Variants in C1QTNF3 observed in about 807,000 individuals in gnomAD.
C1QTNF3 encodes C1q and TNF related 3, also known as complement C1q tumor necrosis factor-related protein 3.
C1QTNF3 carries 26 observed loss-of-function variants against 32.6 expected under a neutral mutation model. The observed-to-expected ratio is 0.80, with a 90% CI of 0.58 to 1.11. The LOEUF (loss-of-function observed/expected upper bound fraction) is 1.11. C1QTNF3 is among the 50% of genes least tolerant of loss of function. C1QTNF3 has a pLI of 0.00. For missense variants in C1QTNF3, 362 were observed against 398.2 expected (o/e 0.91, Z 0.77); for synonymous variants, 155 against 146.0 (o/e 1.06, Z -0.44).
the C1QTNF3 span, among the ~76,000 whole-genome samples, chr5:34,126,044 T>C: frequency 1.3e-4 from 20 of 152,334 alleles, 1 homozygote; most frequent in East Asian, 3.7e-3. Context: ...AAAGAAAAGA[T>C]AGTGTTCTTT....
At chr5:34,176,309 C>T in the C1QTNF3 span, among the ~76,000 whole-genome samples, 3 of 149,780 alleles carry the variant, frequency 2.0e-5, no homozygotes, top group Non-Finnish European at 3.0e-5. Context: ...TGCTAGATGA[C>T]GAGTTAGTGG....
At chr5:34,078,109 T>C in the C1QTNF3 span, among the ~76,000 whole-genome samples, 13 of 151,608 alleles carry the variant, frequency 8.6e-5, 1 homozygote, top group Non-Finnish European at 1.2e-4. This position sits in a 1 kb window ranked among gnomAD's most constrained non-coding sequence, Gnocchi z 4.0. Flanking sequence ...ATTGGTTGCC[T>C]GCTTACCCAA....
At chr5:34,235,988 G>A in the C1QTNF3 span, among the ~76,000 whole-genome samples, 3 of 152,072 alleles carry the variant, frequency 2.0e-5, no homozygotes, top group African/African-American at 7.2e-5. Flanking sequence ...AGGCTACTAA[G>A]GTATTTAATC....
the C1QTNF3 span, among the ~76,000 whole-genome samples, chr5:34,113,661 ACTCT>A: frequency 6.6e-6 from 1 of 151,892 alleles, no homozygotes; most frequent in African/African-American, 2.4e-5. Context: ...TTACATCTTT[ACTCT>A]CTCTCTATAT....
the C1QTNF3 span, among the ~76,000 whole-genome samples, chr5:34,127,976 A>C: frequency 6.6e-6 from 1 of 152,066 alleles, no homozygotes; most frequent in Admixed American, 6.6e-5. Context: ...GAAAATGAGG[A>C]AAAAGTCCTC....
chr5:34,075,905 A>G, the C1QTNF3 span, among the ~76,000 whole-genome samples: 8 of 146,034 alleles, frequency 5.5e-5, no homozygotes, highest in Admixed American at 3.4e-4. Context: ...GTGTGTGTGT[A>G]TACACACACA....
the C1QTNF3 span, among the ~76,000 whole-genome samples, chr5:34,067,175 T>C: frequency 2.0e-5 from 3 of 152,240 alleles, no homozygotes; most frequent in African/African-American, 7.2e-5. Context: ...GTAAGCAGTT[T>C]GGGGCAAAGC....
chr5:34,173,555 GTTTTA>G, the C1QTNF3 span, among the ~76,000 whole-genome samples: 1 of 126,346 alleles, frequency 7.9e-6, no homozygotes, highest in Non-Finnish European at 1.6e-5. Flanking sequence ...TTTCCCATTT[GTTTTA>G]TTTTATCTAT....
chr5:34,071,740 G>C, the C1QTNF3 span, among the ~76,000 whole-genome samples: 15 of 152,132 alleles, frequency 9.9e-5, no homozygotes, highest in Non-Finnish European at 1.2e-4. Context: ...TCTACTGAGT[G>C]CTGAATTAGG....
chr5:34,207,166 C>G, the C1QTNF3 span, among the ~76,000 whole-genome samples: 1 of 151,778 alleles, frequency 6.6e-6, no homozygotes, highest in African/African-American at 2.4e-5. Flanking sequence ...GATGGGTAGT[C>G]GGTGGAAGAA....
At chr5:34,140,644 G>T in the C1QTNF3 span, among the ~76,000 whole-genome samples, 4 of 152,278 alleles carry the variant, frequency 2.6e-5, no homozygotes, top group South Asian at 8.3e-4. Flanking sequence ...TCCCTATGGG[G>T]ATTAGAAAGT....
At chr5:34,216,822 C>A in the C1QTNF3 span, among the ~76,000 whole-genome samples, 1 of 152,042 alleles carries the variant, frequency 6.6e-6, no homozygotes, top group Non-Finnish European at 1.5e-5. Context: ...AATAAATAGG[C>A]CTTCTTACTT....
the C1QTNF3 span, among the ~76,000 whole-genome samples, chr5:34,220,626 T>A: frequency 6.6e-6 from 1 of 152,060 alleles, no homozygotes; most frequent in East Asian, 1.9e-4. Context: ...ATGGAAAGAC[T>A]AATCCTTTAA....
At chr5:34,206,803 GTACT>G in the C1QTNF3 span, among the ~76,000 whole-genome samples, 1 of 151,276 alleles carries the variant, frequency 6.6e-6, no homozygotes, top group African/African-American at 2.4e-5. Context: ...GTAACATACA[GTACT>G]TAAACATACA....
At chr5:34,119,608 A>G in the C1QTNF3 span, among the ~76,000 whole-genome samples, 1 of 152,114 alleles carries the variant, frequency 6.6e-6, no homozygotes, top group Non-Finnish European at 1.5e-5. Flanking sequence ...ACTGTGCTAA[A>G]ATCAAGGTGT....
intron 5 of C1QTNF3, among the ~76,000 whole-genome samples, chr5:34,023,567 C>G (rs1445583934): frequency 6.6e-6 from 1 of 152,096 alleles, no homozygotes; most frequent in Admixed American, 6.5e-5. Flanking sequence ...ACATTCCAAG[C>G]TAACATCAGA....
At chr5:34,170,590 CTG>C in the C1QTNF3 span, among the ~76,000 whole-genome samples, 1 of 152,076 alleles carries the variant, frequency 6.6e-6, no homozygotes, top group Admixed American at 6.6e-5. Flanking sequence ...GTGCAGTTCT[CTG>C]TATATAAATT....
the C1QTNF3 span, among the ~76,000 whole-genome samples, chr5:34,171,333 G>A: frequency 6.4e-4 from 96 of 151,090 alleles, no homozygotes; most frequent in South Asian, 6.0e-3. Context: ...AAAAATTAAC[G>A]TTGTGAATAT....
the C1QTNF3 span, among the ~76,000 whole-genome samples, chr5:34,207,272 T>C: frequency 7.9e-4 from 87 of 110,026 alleles, no homozygotes; most frequent in African/African-American, 4.6e-3. Flanking sequence ...TGGTCAAATT[T>C]GAGATATATA....
Sources: allele counts gnomAD v4.1 joint callset (sites outside exome capture counted in the v4.1 genomes callset), GRCh38; gene constraint gnomAD v4.1.1; non-coding constraint Gnocchi (gnomAD v3.1); transcripts MANE v1.5; gene names NCBI Gene and HGNC (gene_info 2026-07-23, HGNC 2026-07-21).